Variants in PLA2G4C observed in about 807,000 individuals in gnomAD.
The protein encoded by PLA2G4C is phospholipase A2 group IVC.
PLA2G4C carries 64 observed loss-of-function variants against 73.8 expected under a neutral mutation model. That is an observed-to-expected ratio of 0.87 (90% CI 0.71 to 1.07). PLA2G4C has a LOEUF of 1.07. Ranked by LOEUF, PLA2G4C falls within the 50% of genes least tolerant of loss-of-function variation. The pLI, the probability that PLA2G4C is intolerant of heterozygous loss-of-function variation, is 0.00. For missense variants in PLA2G4C, 622 were observed against 665.4 expected, an observed-to-expected ratio of 0.93 and a Z score of 0.72; for synonymous variants, 254 against 252.1, an observed-to-expected ratio of 1.01 and a Z score of -0.07.
At chr19:48,110,218 C>T (rs1192090162) in intron 1 of PLA2G4C, among the ~76,000 whole-genome samples, 2 of 151,336 alleles carry the variant, frequency 1.3e-5, no homozygotes, top group South Asian at 4.2e-4. Flanking sequence ...TGGTGGTGTG[C>T]GCCTGTAATC....
At chr19:48,068,893 C>T (rs987523929) in intron 12 of PLA2G4C, among the ~76,000 whole-genome samples, 5 of 151,892 alleles carry the variant, frequency 3.3e-5, no homozygotes, top group Non-Finnish European at 7.4e-5. Flanking sequence ...GCACCTTGAT[C>T]TTGGACTTCC....
In PLA2G4C at chr19:48,048,002, C is replaced by G; in HGVS notation, c.*341G>C. On this transcript the variant is annotated 3_prime_UTR_variant, in exon 17 of 17. Transcript: ENST00000599921. Reference sequence around the variant, plus strand: ...GGCTAGAAGTGCAGTCATAAAGGAGCAGTGGAAGGCATTGGTCTGAACTAT... The same window carrying G: ...GGCTAGAAGTGCAGTCATAAAGGAGGAGTGGAAGGCATTGGTCTGAACTAT... 1 of 314,226 alleles carries G rather than the reference C, an allele frequency of 3.2e-6. No homozygotes were observed. The highest frequency in any genetic ancestry group is 4.8e-5 in the South Asian group (1 of 21,050). The allele number at this position is 314,226 out of a possible 1,614,324, so 19.5% of individuals were successfully genotyped here.
Position 48,088,550 on chromosome 19 carries a change from T to G in PLA2G4C, c.790+136A>C. On this transcript the variant is annotated intron_variant, in intron 9 of 16. Transcript: ENST00000599921. ...AACAGATCCAAATCAAGATGAAATC[T>G]TTGAAATACCAGATAAAGAATTCAA... 5 of 678,946 alleles carry G rather than the reference T, an allele frequency of 7.4e-6. 1 individual carries two copies. In the South Asian group the frequency reaches 8.8e-5, roughly 12 times the overall value. The allele number at this position is 678,946 out of a possible 1,614,324, so 42.1% of individuals were successfully genotyped here. A position where few individuals can be genotyped will look rare whatever the true frequency, so the allele number is the denominator to read the frequency against.
At chr19:48,061,774 G>A (rs11564639) in intron 14 of PLA2G4C, 1 of 526,906 alleles carries the variant, frequency 1.9e-6, no homozygotes, top group South Asian at 2.0e-5. Context: ...CCAGGAAGAG[G>A]GGCCCGGGAA....
rs1317265203 is a variant in PLA2G4C, at chr19:48,105,903, C to T, written c.9-459G>A. ...CCTCCTTCTTTCCCTCCCTCCCTCC[C>T]TCCCTCCCTCCCTCCCTCCCTCCCT... On this transcript the variant is annotated intron_variant, in intron 2 of 16. Coordinates refer to ENST00000599921, the MANE Select transcript of PLA2G4C (RefSeq NM_003706.3). Among the ~76,000 whole-genome samples, 20 of 3,310 alleles carry T rather than the reference C, an allele frequency of 6.0e-3. 1 individual carries two copies. The African/African-American group carries it at 0.081, about 13-fold the overall frequency. The allele number at this position is 3,310 out of a possible 152,430, so 2.2% of individuals were successfully genotyped here. A position where few individuals can be genotyped will look rare whatever the true frequency, so the allele number is the denominator to read the frequency against.
intron 13 of PLA2G4C, among the ~76,000 whole-genome samples, chr19:48,065,667 T>C (rs1411807790): frequency 1.3e-5 from 2 of 152,020 alleles, no homozygotes; most frequent in African/African-American, 4.8e-5. Context: ...TGATTGGCTA[T>C]TGGTTTAAAG....
At chr19:48,095,353 TC>T in intron 7 of PLA2G4C, 110 bp downstream of exon 7, 2 of 1,008,422 alleles carry the variant, frequency 2.0e-6, no homozygotes, top group South Asian at 3.0e-5. Flanking sequence ...CAAGTCCTTT[TC>T]TTTCCCCCAA....
chr19:48,093,249 A>G (rs1251384961), intron 7 of PLA2G4C, among the ~76,000 whole-genome samples: 1 of 152,122 alleles, frequency 6.6e-6, no homozygotes, highest in Non-Finnish European at 1.5e-5. Flanking sequence ...CAGAAGCTGG[A>G]ACCTTTGATG....
intron 11 of PLA2G4C, among the ~76,000 whole-genome samples, chr19:48,075,135 G>A (rs1194310185): frequency 1.3e-5 from 2 of 151,166 alleles, no homozygotes; most frequent in Non-Finnish European, 2.9e-5. Flanking sequence ...TTTCTTCAGG[G>A]TTGGAGGCAA....
intron 3 of PLA2G4C, among the ~76,000 whole-genome samples, chr19:48,105,082 CAA>C (rs3083068): frequency 0.017 from 1,478 of 87,482 alleles, 16 homozygotes; most frequent in African/African-American, 0.056. Context: ...GACGTTGTCT[CAA>C]AAAAAAAAAA....
At chr19:48,110,376 A>G (rs1159896279) in intron 1 of PLA2G4C, 111 bp downstream of exon 1, 13 of 680,510 alleles carry the variant, frequency 1.9e-5, no homozygotes, top group Non-Finnish European at 2.9e-5. Context: ...ATAAAATAAA[A>G]TAAAATAAAA....
intron 4 of PLA2G4C, among the ~76,000 whole-genome samples, chr19:48,101,126 A>ATATATATATATATTT (rs1491313107): frequency 4.0e-4 from 30 of 74,126 alleles, no homozygotes; most frequent in African/African-American, 1.7e-3. Flanking sequence ...ATATATATAT[A>ATATATATATATATTT]TTTTTTTTTT....
At chr19:48,063,227 A>G (rs1968262909) in intron 13 of PLA2G4C, among the ~76,000 whole-genome samples, 1 of 152,078 alleles carries the variant, frequency 6.6e-6, no homozygotes, top group Admixed American at 6.6e-5. Context: ...TATTTCTAGT[A>G]GAGACAAGGT....
intron 6 of PLA2G4C, 168 bp downstream of exon 6, chr19:48,097,971 C>T (rs999912217): frequency 2.9e-6 from 2 of 680,004 alleles, no homozygotes; most frequent in African/African-American, 1.8e-5. Context: ...CTGGTCACTT[C>T]TGGGACTTCC....
At chr19:48,101,119 TA>T (rs1568453175) in intron 4 of PLA2G4C, among the ~76,000 whole-genome samples, 5 of 70,760 alleles carry the variant, frequency 7.1e-5, no homozygotes, top group African/African-American at 1.8e-4. Flanking sequence ...TATATATATA[TA>T]TATATATTTT....
chr19:48,084,239 T>C (rs191652001), intron 10 of PLA2G4C, among the ~76,000 whole-genome samples: 239 of 152,194 alleles, frequency 1.6e-3, no homozygotes, highest in Middle Eastern at 6.8e-3. Flanking sequence ...TTTGTATTTT[T>C]AGTAGAGACG....
Position 48,083,541 on chromosome 19 carries a change from G to C in PLA2G4C, c.844+1518C>G, listed in dbSNP as rs374823213. Among the ~76,000 whole-genome samples, 3 of 148,860 alleles carry C rather than the reference G, an allele frequency of 2.0e-5. No individual in the cohort carries two copies. The East Asian group carries it at 6.0e-4, about 30-fold the overall frequency. ...CAGCTCACTGCAACCTCCACCTCCT[G>C]GGTTCAAGCGATTCTCCTGCCTCAG... On this transcript the variant is annotated intron_variant, in intron 10 of 16. Coordinates refer to ENST00000599921, the MANE Select transcript of PLA2G4C (RefSeq NM_003706.3).
intron 12 of PLA2G4C, among the ~76,000 whole-genome samples, chr19:48,070,442 C>T (rs536566652): frequency 1.4e-4 from 22 of 152,132 alleles, no homozygotes; most frequent in Middle Eastern, 3.4e-3. Context: ...CTCATGCATG[C>T]GTATGCTCAT....
intron 5 of PLA2G4C, 76 bp downstream of exon 5, chr19:48,099,595 G>T: frequency 9.7e-7 from 1 of 1,035,150 alleles, no homozygotes; most frequent in Non-Finnish European, 1.4e-6. Flanking sequence ...GTGCTGGTCA[G>T]CATCTTTGGT....
Sources: allele counts gnomAD v4.1 joint callset (sites outside exome capture counted in the v4.1 genomes callset), GRCh38; gene constraint gnomAD v4.1.1; transcripts MANE v1.5; gene names NCBI Gene and HGNC (gene_info 2026-07-23, HGNC 2026-07-21).